The following SH3BP1 variants were observed in gnomAD, a reference collection of about 807,000 sequenced individuals.
SH3BP1 encodes the protein SH3 domain-binding protein 1.
SH3BP1 carries 46 observed loss-of-function variants against 69.8 expected under a neutral mutation model. The ratio of observed to expected loss-of-function variants is 0.66; its 90% CI spans 0.52 to 0.84. The LOEUF (loss-of-function observed/expected upper bound fraction) is 0.84, where lower values mean the gene tolerates loss of function less well. Ranked by LOEUF, SH3BP1 falls within the 40% of genes least tolerant of loss-of-function variation. The probability of loss-of-function intolerance (pLI) is 0.00; values close to 1 mark genes in which losing one functional copy is unlikely to be tolerated. For synonymous variants in SH3BP1, 403 were observed against 378.0 expected, an observed-to-expected ratio of 1.07 and a Z score of -0.77; for missense variants, 868 against 930.9, an observed-to-expected ratio of 0.93 and a Z score of 0.88.
intron 16 of SH3BP1, among the ~76,000 whole-genome samples, chr22:37,651,954 C>T (rs1008157527): frequency 1.3e-5 from 2 of 152,014 alleles, no homozygotes; most frequent in Admixed American, 6.6e-5. Flanking sequence ...AGCAGAGACC[C>T]GAAGGCAGTG....
chr22:37,647,215 G>A (rs2146058869), intron 11 of SH3BP1, 52 bp from the exon 12 acceptor site: 1 of 1,496,870 alleles, frequency 6.7e-7, no homozygotes, highest in East Asian at 2.3e-5. Context: ...TACAGGGAGA[G>A]TGGGAGAGCG....
intron 7 of SH3BP1, among the ~76,000 whole-genome samples, chr22:37,644,413 A>G (rs752733423): frequency 1.3e-5 from 2 of 152,222 alleles, no homozygotes; most frequent in Non-Finnish European, 2.9e-5. Context: ...GCACTGTGCT[A>G]AGTCTATGGA....
chr22:37,647,852 T>A (rs537335760), intron 13 of SH3BP1, among the ~76,000 whole-genome samples: 1 of 152,132 alleles, frequency 6.6e-6, no homozygotes, highest in South Asian at 2.1e-4. Flanking sequence ...ATTTTTGTAT[T>A]TTTAGTAAAG....
In SH3BP1 at chr22:37,642,595, G is replaced by A. The variant is rs150467200; in HGVS notation, c.264G>A (p.Leu88=). The change falls in exon 4 of 18, where the codon CTG becomes CTA. Residue 88 remains leucine (L), a synonymous_variant. Coordinates refer to ENST00000649765, the MANE Select transcript of SH3BP1 (RefSeq NM_018957.6). ...STTMAESFKE[L]DPDSSMGKAL... is the part of the protein sequence containing the mutation. ...CGATGGCTGAGAGCTTCAAGGAGCT[G>A]GACCCTGATTCCAGCATGGGGTGAG... 3.7e-5 allele frequency: 59 copies of A among 1,613,286 alleles called. No homozygotes were observed. The highest frequency in any genetic ancestry group is 2.0e-4 in the South Asian group (18 of 91,094).
rs1933010452 is a variant in SH3BP1 at position 37,655,602 on chromosome 22, C to G, written c.2024C>G (p.Pro675Arg). 2 of 1,583,012 alleles carry G rather than the reference C, an allele frequency of 1.3e-6. No individual in the cohort carries two copies. Among genetic ancestry groups the G allele is most frequent in the African/African-American group, 1.3e-5 (1 of 74,122 alleles). Reference sequence around the variant, plus strand: ...GCTGCCACAGCAGAGGGAGGAGCCCCTGAGGCTATCAGTGGGGTCCCCACT... The same window carrying G: ...GCTGCCACAGCAGAGGGAGGAGCCCGTGAGGCTATCAGTGGGGTCCCCACT... The part of the protein sequence containing the change: ...LGAATAEGGA[P>R]EAISGVPTPP... The change falls in exon 18 of 18, where the codon CCT becomes CGT. Residue 675 changes from proline to arginine, a missense_variant. Transcript: ENST00000649765.
intron 5 of SH3BP1, 23 bp from the exon 6 acceptor site, chr22:37,643,075 G>A: frequency 6.2e-7 from 1 of 1,608,378 alleles, no homozygotes; most frequent in South Asian, 1.1e-5. Context: ...CCAGCACACT[G>A]ACCCCCCCAT....
rs763783835 is a variant in SH3BP1, at chr22:37,647,457, G to A, written c.1135G>A (p.Ala379Thr). 1.9e-6 allele frequency: 3 copies of A among 1,611,268 alleles called. No individual in the cohort carries two copies. The African/African-American group carries it at 4.0e-5, about 22-fold the overall frequency. Residue 379 changes from alanine to threonine, a missense_variant, in exon 13 of 18, where the codon GCC becomes ACC. Around this residue, in one of 3 missense-constraint regions of SH3BP1, gnomAD observed 474 missense variants for 462.3 expected, o/e 1.03. Transcript: ENST00000649765. ...MRAASLKEPG[A>T]RLQALQEVCS... ...CCCCCCCAGCCTGAAGGAGCCAGGG[G>A]CCCGGCTGCAGGCCCTCCAAGAGGT... is the stretch of plus-strand genomic sequence containing the variant.
rs150335600 is a variant in SH3BP1 at position 37,656,047 on chromosome 22, G to C, written c.*363G>C. ...AATTATTTTGGACAAAACTGGAGCAGCTGCCCAAATGATAGTTTTATTTTC... is the reference window on the plus strand; with the variant it reads ...AATTATTTTGGACAAAACTGGAGCACCTGCCCAAATGATAGTTTTATTTTC... On this transcript the variant is annotated 3_prime_UTR_variant, in exon 18 of 18. Transcript: ENST00000649765. The C allele has an allele frequency of 3.5e-4, 485 of 1,385,592 alleles. 5 individuals carry two copies. In the East Asian group the frequency reaches 0.013, roughly 38 times the overall value. 85.8% of individuals were successfully genotyped at this position (1,385,592 alleles called of 1,614,324 possible).
At position 37,655,999 on chromosome 22, in the gene SH3BP1, G is replaced by GT. The variant is rs34291735; in HGVS notation, c.*321dup. ...GGACTGATTCTTCTCTTGCCGACAT[G>GT]TTTTTTGTAAGGCTGGTAAATAAAT... On this transcript the variant is annotated 3_prime_UTR_variant, in exon 18 of 18. Coordinates refer to ENST00000649765, the MANE Select transcript of SH3BP1 (RefSeq NM_018957.6). 1.5e-4 allele frequency: 216 copies of GT among 1,477,886 alleles called. No homozygotes were observed. Among genetic ancestry groups the GT allele is most frequent in the Non-Finnish European group, 1.8e-4 (204 of 1,103,646 alleles). The allele number at this position is 1,477,886 out of a possible 1,614,324, so 91.5% of individuals were successfully genotyped here.
chr22:37,642,475 C>T, intron 3 of SH3BP1, 64 bp from the exon 4 acceptor site: 2 of 1,563,682 alleles, frequency 1.3e-6, no homozygotes, highest in Non-Finnish European at 1.8e-6. Flanking sequence ...AAGGGGCTGG[C>T]CTGGTGCTCA....
rs369688785 is a variant in SH3BP1, at chr22:37,642,527, C to T, written c.208-12C>T. ...GCACGGACACTCATCGCCGGCCCCA[C>T]CCTCCCTGCAGAAGAAGCTTCCCCT... On this transcript the variant is annotated splice_polypyrimidine_tract_variant and intron_variant, in intron 3 of 17. Transcript: ENST00000649765. 217 of 1,612,820 alleles carry T rather than the reference C, an allele frequency of 1.3e-4. 2 individuals carry two copies. The East Asian group carries it at 3.2e-3, about 24-fold the overall frequency.
rs907749704 is a variant in SH3BP1 at position 37,656,095 on chromosome 22, A to G, written c.*411A>G. On this transcript the variant is annotated 3_prime_UTR_variant, in exon 18 of 18. Coordinates refer to ENST00000649765, the MANE Select transcript of SH3BP1 (RefSeq NM_018957.6). ...TTCTGTCCTTGAAATAAAGAAGCCA[A>G]TTTTATAAAGGGGAAAACAATACAT... 5.5e-6 allele frequency: 7 copies of G among 1,262,214 alleles called. No individual in the cohort carries two copies. In the East Asian group the frequency reaches 2.1e-4, roughly 37 times the overall value. The allele number at this position is 1,262,214 out of a possible 1,614,324, so 78.2% of individuals were successfully genotyped here.
chr22:37,647,063 G>T lies in SH3BP1; in HGVS notation c.1036+134G>T, dbSNP rs778218113. 125 of 728,694 alleles carry T rather than the reference G, an allele frequency of 1.7e-4. 1 individual carries two copies. The highest frequency in any genetic ancestry group is 2.5e-4 in the Non-Finnish European group (115 of 452,316). The allele number at this position is 728,694 out of a possible 1,614,324, so 45.1% of individuals were successfully genotyped here. A position where few individuals can be genotyped will look rare whatever the true frequency, so the allele number is the denominator to read the frequency against. ...GAGGACACTCGGGTTCTTAATGTGG[G>T]GTCCATCATGAGCCCCCCGAAAATG... On this transcript the variant is annotated intron_variant, in intron 11 of 17. Transcript: ENST00000649765.
rs1234895809 is a variant in SH3BP1 at position 37,643,529 on chromosome 22, C to T, written c.474-115C>T. 17 of 1,442,426 alleles carry T rather than the reference C, an allele frequency of 1.2e-5. No homozygotes were observed. The South Asian group carries it at 2.0e-4, about 17-fold the overall frequency. The allele number at this position is 1,442,426 out of a possible 1,614,324, so 89.4% of individuals were successfully genotyped here. A position where few individuals can be genotyped will look rare whatever the true frequency, so the allele number is the denominator to read the frequency against. On this transcript the variant is annotated intron_variant, in intron 6 of 17. Coordinates refer to ENST00000649765, the MANE Select transcript of SH3BP1 (RefSeq NM_018957.6). ...GGCAGAGGCCCCGGCCAGTGGAGCT[C>T]TCAGATCTGCAGCTCTAAATCCTAG...
Position 37,642,949 on chromosome 22 carries a change from C to T in SH3BP1, c.339C>T (p.Ala113=), listed in dbSNP as rs777123492. ...AIQNQLARIL[A]EFEMTLERDV... is the part of the protein sequence containing the mutation. The stretch of plus-strand genomic sequence containing the variant: ...AGAATCAGCTGGCCCGCATCCTGGC[C>T]GAGTTTGAGATGACCCTGGAGAGGG... Residue 113 remains alanine (A), a synonymous_variant, in exon 5 of 18, where the codon GCC becomes GCT. Transcript: ENST00000649765. The T allele has an allele frequency of 4.2e-5, 68 of 1,612,840 alleles. 5 individuals are homozygous for T. The South Asian group carries it at 6.9e-4, about 16-fold the overall frequency.
intron 4 of SH3BP1, 21 bp from the exon 5 acceptor site, chr22:37,642,874 C>T (rs1420288556): frequency 1.2e-6 from 2 of 1,609,426 alleles, no homozygotes; most frequent in Non-Finnish European, 1.7e-6. Context: ...CGCCTGGACC[C>T]ATGGGGTGCC....
At chr22:37,653,687 C>A in intron 16 of SH3BP1, 92 bp from the exon 17 acceptor site, 2 of 835,246 alleles carry the variant, frequency 2.4e-6, no homozygotes, top group South Asian at 1.4e-5. Flanking sequence ...TGGGAGGATC[C>A]GGACTCCACC....
intron 17 of SH3BP1, 51 bp from the exon 18 acceptor site, chr22:37,655,221 C>G: frequency 7.2e-7 from 1 of 1,396,812 alleles, no homozygotes; most frequent in African/African-American, 1.4e-5. Context: ...GGTGGATTCA[C>G]CACAGGCCAC....
At chr22:37,640,909 G>T in intron 1 of SH3BP1, 2 of 589,342 alleles carry the variant, frequency 3.4e-6, no homozygotes, top group South Asian at 4.0e-5. Flanking sequence ...AGCCCTGGGT[G>T]GAGGAGGAAA....
Sources: gnomAD v4.1 joint callset for allele counts (sites outside exome capture counted in the v4.1 genomes callset) on GRCh38, gnomAD v4.1.1 for gene constraint, gnomAD v4.1.1 regional missense constraint, MANE v1.5 for transcripts, NCBI Gene and HGNC (gene_info 2026-07-23, HGNC 2026-07-21) for gene names.